The following KSR2 variants were observed in gnomAD, a reference collection of about 807,000 sequenced individuals.
KSR2 encodes the protein kinase suppressor of ras 2.
KSR2 carries 25 observed loss-of-function variants against 107.8 expected under a neutral mutation model. The ratio of observed to expected loss-of-function variants is 0.23; its 90% confidence interval spans 0.17 to 0.32. KSR2 has a LOEUF of 0.32. Ranked by LOEUF, KSR2 falls within the 10% of genes least tolerant of loss-of-function variation. The pLI is 1.00. For synonymous variants in KSR2, 480 were observed against 507.0 expected (o/e 0.95, Z 0.71); for missense variants, 887 against 1,268.9 (o/e 0.70, Z 4.57).
At chr12:117,663,664 C>A (rs1208818797) in intron 5 of KSR2, among the ~76,000 whole-genome samples, 2 of 152,214 alleles carry the variant, frequency 1.3e-5, no homozygotes, top group Admixed American at 1.3e-4. Context: ...TGTCCAGCGA[C>A]TTAACAGCAT....
At chr12:117,890,557 T>C (rs1444271399) in intron 1 of KSR2, among the ~76,000 whole-genome samples, 1 of 152,264 alleles carries the variant, frequency 6.6e-6, no homozygotes, top group East Asian at 1.9e-4. Context: ...CCTCTCTGTG[T>C]TAAAGCCTTT....
intron 5 of KSR2, among the ~76,000 whole-genome samples, chr12:117,623,463 G>A (rs942926236): frequency 6.6e-6 from 1 of 152,142 alleles, no homozygotes; most frequent in Non-Finnish European, 1.5e-5. Flanking sequence ...CTGCCTATGA[G>A]TGAGAACATA....
At chr12:117,506,430 T>C (rs942883577) in intron 14 of KSR2, among the ~76,000 whole-genome samples, 2 of 152,208 alleles carry the variant, frequency 1.3e-5, no homozygotes, top group Middle Eastern at 3.2e-3. Flanking sequence ...ATTGATATAT[T>C]TTTTTCCTGA....
intron 3 of KSR2, among the ~76,000 whole-genome samples, chr12:117,828,582 C>T (rs2137105023): frequency 6.6e-6 from 1 of 152,348 alleles, no homozygotes; most frequent in South Asian, 2.1e-4. Flanking sequence ...TCACTAAGCC[C>T]TTTTATGAAA....
intron 1 of KSR2, among the ~76,000 whole-genome samples, chr12:117,873,428 G>C (rs1301577653): frequency 6.7e-6 from 1 of 148,158 alleles, no homozygotes; most frequent in Non-Finnish European, 1.5e-5. Flanking sequence ...GAGAAGCAAG[G>C]CCTCATTCGT....
chr12:117,526,479 A>G (rs1321428987), intron 13 of KSR2, among the ~76,000 whole-genome samples: 1 of 152,210 alleles, frequency 6.6e-6, no homozygotes, highest in Non-Finnish European at 1.5e-5. Flanking sequence ...ATTCAGGAGA[A>G]ACAATACAGG....
rs191264868 is a variant in KSR2, at chr12:117,775,892, C to T, written c.473-14368G>A. ...ATAAGTGGGAGCTAAGCTATGAGGA[C>T]GCAAAGGCATAAAAATAATACAATG... is the stretch of plus-strand genomic sequence containing the variant. On this transcript the variant is annotated intron_variant, in intron 3 of 19. Coordinates refer to ENST00000339824, the MANE Select transcript of KSR2 (RefSeq NM_173598.6). 3.6e-4 allele frequency among the ~76,000 whole-genome samples: 55 copies of T among 152,066 alleles called. 1 individual carries two copies. In the East Asian group the frequency reaches 6.2e-3, roughly 17 times the overall value.
chr12:117,719,222 C>G (rs372072710), intron 4 of KSR2, among the ~76,000 whole-genome samples: 3 of 152,116 alleles, frequency 2.0e-5, no homozygotes, highest in South Asian at 2.1e-4. Context: ...GTCTTTCCCC[C>G]CCTCCACCCC....
chr12:117,827,602 T>C (rs1482018958), intron 3 of KSR2, among the ~76,000 whole-genome samples: 1 of 152,262 alleles, frequency 6.6e-6, no homozygotes, highest in Non-Finnish European at 1.5e-5. Context: ...AATGTCAACT[T>C]GGTTTCAAAT....
chr12:117,724,136 G>A (rs1360032799), intron 4 of KSR2, among the ~76,000 whole-genome samples: 3 of 151,874 alleles, frequency 2.0e-5, no homozygotes, highest in African/African-American at 4.8e-5. Flanking sequence ...GTGAAACCCC[G>A]TCTCTACCAA....
At chr12:117,571,635 C>G (rs1187789008) in intron 7 of KSR2, among the ~76,000 whole-genome samples, 1 of 152,088 alleles carries the variant, frequency 6.6e-6, no homozygotes, top group Non-Finnish European at 1.5e-5. Flanking sequence ...GACCGCTGGC[C>G]ACTGAGTTTA....
intron 1 of KSR2, among the ~76,000 whole-genome samples, chr12:117,911,903 C>G (rs569374407): frequency 2.6e-5 from 4 of 152,364 alleles, no homozygotes; most frequent in Admixed American, 6.5e-5. Context: ...AGGAGAACCA[C>G]TTGCCCTGGG....
At chr12:117,782,274 G>T (rs968282632) in intron 3 of KSR2, among the ~76,000 whole-genome samples, 2 of 152,028 alleles carry the variant, frequency 1.3e-5, no homozygotes, top group Non-Finnish European at 2.9e-5. Context: ...AAACTAACAG[G>T]TTTTTTTGAG....
chr12:117,967,608 C>A (rs1385074088), intron 1 of KSR2, among the ~76,000 whole-genome samples: 1 of 152,008 alleles, frequency 6.6e-6, no homozygotes, highest in Non-Finnish European at 1.5e-5. Flanking sequence ...TGACAGGCGG[C>A]CCCATTCTGT....
At chr12:117,587,925 C>T (rs2136259216) in intron 5 of KSR2, among the ~76,000 whole-genome samples, 1 of 152,304 alleles carries the variant, frequency 6.6e-6, no homozygotes, top group African/African-American at 2.4e-5. Flanking sequence ...CAGGGAGGGC[C>T]TCCCCGCCTC....
intron 5 of KSR2, among the ~76,000 whole-genome samples, chr12:117,597,672 G>A (rs928414121): frequency 3.9e-5 from 6 of 152,182 alleles, no homozygotes; most frequent in African/African-American, 1.4e-4. Context: ...ATATGTTTGT[G>A]TTGCTTTCAG....
chr12:117,780,206 T>C (rs1889837142), intron 3 of KSR2, among the ~76,000 whole-genome samples: 1 of 152,228 alleles, frequency 6.6e-6, no homozygotes, highest in Non-Finnish European at 1.5e-5. Flanking sequence ...ATTCTACTCC[T>C]AGGTCGATAC....
intron 1 of KSR2, among the ~76,000 whole-genome samples, chr12:117,862,782 T>C (rs181609032): frequency 2.1e-5 from 3 of 143,040 alleles, no homozygotes; most frequent in African/African-American, 8.0e-5. Context: ...CAGGCTGGAG[T>C]ACAGTGGCGC....
At chr12:117,902,562 A>G (rs961476014) in intron 1 of KSR2, among the ~76,000 whole-genome samples, 4 of 151,506 alleles carry the variant, frequency 2.6e-5, no homozygotes, top group African/African-American at 9.7e-5. Flanking sequence ...TTCAGTACAG[A>G]TGTCATTAGA....
Sources: gnomAD v4.1 joint callset for allele counts (sites outside exome capture counted in the v4.1 genomes callset) on GRCh38, gnomAD v4.1.1 for gene constraint, MANE v1.5 for transcripts, NCBI Gene and HGNC (gene_info 2026-07-23, HGNC 2026-07-21) for gene names.